RBFOX1: variants seen among roughly 807,000 people sequenced by gnomAD.
RBFOX1 encodes the protein RNA binding protein fox-1 homolog 1.
Under a neutral mutation model 57.7 loss-of-function variants are expected in RBFOX1, and 8 were observed. That is an observed-to-expected ratio of 0.14 (90% CI 0.08 to 0.25). The LOEUF is 0.25. RBFOX1 is among the 10% of genes least tolerant of loss of function. The pLI is 1.00. For missense variants in RBFOX1, 611 were observed against 548.5 expected, an observed-to-expected ratio of 1.11 and a Z score of -1.14; for synonymous variants, 326 against 222.4, an observed-to-expected ratio of 1.47 and a Z score of -4.15.
chr16:5,400,522 T>A (rs996492859), intron 1 of RBFOX1, among the ~76,000 whole-genome samples: 1 of 152,226 alleles, frequency 6.6e-6, no homozygotes, highest in Non-Finnish European at 1.5e-5. Context: ...ATGTATCATT[T>A]CTATCCTGAT....
chr16:7,502,586 G>A (rs944785566), intron 4 of RBFOX1, among the ~76,000 whole-genome samples: 3 of 150,754 alleles, frequency 2.0e-5, no homozygotes, highest in Admixed American at 6.6e-5. Flanking sequence ...TTTTTTGTTT[G>A]TTTGTTTGTT....
At chr16:7,267,296 A>G in intron 4 of RBFOX1, among the ~76,000 whole-genome samples, 1 of 152,132 alleles carries the variant, frequency 6.6e-6, no homozygotes, top group East Asian at 1.9e-4. Context: ...GCACTTTCGG[A>G]GGCCAAAGGG....
At chr16:5,810,602 T>C (rs2055387302) in intron 3 of RBFOX1, among the ~76,000 whole-genome samples, 1 of 152,148 alleles carries the variant, frequency 6.6e-6, no homozygotes, top group African/African-American at 2.4e-5. Flanking sequence ...TGAGTGACAC[T>C]CCTGCTGGGT....
intron 14 of RBFOX1, chr16:7,693,492 GATCTT>G (rs2077866535): frequency 5.9e-6 from 4 of 677,666 alleles, no homozygotes; most frequent in East Asian, 2.8e-5. Flanking sequence ...AAAAAAAAAA[GATCTT>G]ATATCTTTGG....
Position 6,776,227 on chromosome 16 carries a change from C to G in RBFOX1, c.-16+121577C>G, listed in dbSNP as rs1346245248. 2.0e-5 allele frequency among the ~76,000 whole-genome samples: 3 copies of G among 151,802 alleles called. No individual in the cohort carries two copies. The East Asian group carries it at 5.8e-4, about 30-fold the overall frequency. The stretch of plus-strand genomic sequence containing the variant: ...GAGATCGAGACCATCCTGGCTAACA[C>G]GGTGAAACCCAGTCTCTACTAAAAA... On this transcript the variant is annotated intron_variant, in intron 3 of 15. Transcript: ENST00000550418.
At chr16:7,227,013 T>C (rs1003329833) in intron 4 of RBFOX1, among the ~76,000 whole-genome samples, 11 of 152,148 alleles carry the variant, frequency 7.2e-5, no homozygotes, top group African/African-American at 2.7e-4. Flanking sequence ...ATGGCTAAAG[T>C]TGAGTTGTGG....
chr16:7,373,419 C>G (rs1401913908), intron 4 of RBFOX1, among the ~76,000 whole-genome samples: 2 of 152,170 alleles, frequency 1.3e-5, no homozygotes, highest in Admixed American at 6.5e-5. Flanking sequence ...GAGGGCAGTT[C>G]TCTGTCGTTC....
At chr16:6,164,586 C>A (rs2096902797) in intron 1 of RBFOX1, among the ~76,000 whole-genome samples, 1 of 151,798 alleles carries the variant, frequency 6.6e-6, no homozygotes, top group South Asian at 2.1e-4. Flanking sequence ...CATGCCTCAG[C>A]CTCCCAAGTA....
At chr16:5,916,987 C>T (rs967194761) in intron 4 of RBFOX1, among the ~76,000 whole-genome samples, 1 of 152,106 alleles carries the variant, frequency 6.6e-6, no homozygotes, top group Non-Finnish European at 1.5e-5. Flanking sequence ...TGACCTGCAT[C>T]CCATGTGCCC....
intron 3 of RBFOX1, among the ~76,000 whole-genome samples, chr16:6,703,420 A>C (rs1348454693): frequency 6.6e-6 from 1 of 152,074 alleles, no homozygotes; most frequent in African/African-American, 2.4e-5. Context: ...CAGAAAATAT[A>C]AAAAATATTA....
At chr16:5,647,519 C>T (rs969936807) in intron 3 of RBFOX1, among the ~76,000 whole-genome samples, 4 of 152,150 alleles carry the variant, frequency 2.6e-5, no homozygotes, top group African/African-American at 9.7e-5. Context: ...AAGCTCAGGG[C>T]ACACAGTAGG....
intron 3 of RBFOX1, among the ~76,000 whole-genome samples, chr16:6,912,737 C>T (rs2072000407): frequency 6.6e-6 from 1 of 151,934 alleles, no homozygotes; most frequent in Non-Finnish European, 1.5e-5. Flanking sequence ...ACTACCTCAG[C>T]CTACTGAGTA....
At chr16:7,535,482 G>C (rs2081263826) in intron 5 of RBFOX1, among the ~76,000 whole-genome samples, 1 of 152,210 alleles carries the variant, frequency 6.6e-6, no homozygotes, top group Non-Finnish European at 1.5e-5. Context: ...AACTGGGCTA[G>C]ATGGTGTCAG....
intron 2 of RBFOX1, among the ~76,000 whole-genome samples, chr16:6,588,893 C>T (rs2097669861): frequency 2.0e-5 from 3 of 152,160 alleles, no homozygotes; most frequent in Admixed American, 2.0e-4. Flanking sequence ...TGATGTGTGG[C>T]AGTAAAGTTG....
chr16:5,394,776 C>G (rs1168947026), intron 1 of RBFOX1, among the ~76,000 whole-genome samples: 2 of 152,068 alleles, frequency 1.3e-5, no homozygotes, highest in South Asian at 2.1e-4. Flanking sequence ...CTTGAACTCC[C>G]GGTCTCACGC....
At chr16:6,313,376 G>T (rs1051417315) in intron 1 of RBFOX1, among the ~76,000 whole-genome samples, 3 of 152,174 alleles carry the variant, frequency 2.0e-5, no homozygotes, top group Admixed American at 2.0e-4. Context: ...GGGGGCAAGG[G>T]GTGCAAGCCT....
intron 2 of RBFOX1, among the ~76,000 whole-genome samples, chr16:6,594,873 C>T (rs528953442): frequency 6.0e-4 from 92 of 152,276 alleles, no homozygotes; most frequent in Non-Finnish European, 1.1e-3. Context: ...ACTGTAACCT[C>T]CGCCTCCCGG....
chr16:5,387,900 G>A (rs749206979), intron 1 of RBFOX1, among the ~76,000 whole-genome samples: 1 of 152,200 alleles, frequency 6.6e-6, no homozygotes, highest in African/African-American at 2.4e-5. Context: ...GCAGACAGCA[G>A]GCTCAGAATC....
At chr16:5,842,697 A>C (rs1241152197) in intron 3 of RBFOX1, among the ~76,000 whole-genome samples, 1 of 152,250 alleles carries the variant, frequency 6.6e-6, no homozygotes, top group Non-Finnish European at 1.5e-5. Context: ...ATGTACCTCT[A>C]AGCAAGTAAT....
Sources: allele counts gnomAD v4.1 joint callset (sites outside exome capture counted in the v4.1 genomes callset), GRCh38; gene constraint gnomAD v4.1.1; transcripts MANE v1.5; gene names NCBI Gene and HGNC (gene_info 2026-07-23, HGNC 2026-07-21).